Variants in DKK2 observed in about 807,000 individuals in gnomAD.
The protein encoded by DKK2 is dickkopf Wnt signaling pathway inhibitor 2, also known as dickkopf-related protein 2.
A neutral mutation model predicts 28.1 loss-of-function variants in DKK2; 11 were observed. That is an observed-to-expected ratio of 0.39 (90% CI 0.25 to 0.65). The LOEUF is 0.65. Ranked by LOEUF, DKK2 falls within the 30% of genes least tolerant of loss-of-function variation. The pLI, the probability that DKK2 is intolerant of heterozygous loss-of-function variation, is 0.47. For missense variants in DKK2, 326 were observed against 335.5 expected (o/e 0.97, Z 0.22); for synonymous variants, 135 against 126.5 (o/e 1.07, Z -0.45).
chr4:107,003,728 T>C (rs983937798), intron 1 of DKK2, among the ~76,000 whole-genome samples: 2 of 152,218 alleles, frequency 1.3e-5, no homozygotes, highest in Admixed American at 1.3e-4. Context: ...TCATCAGTAG[T>C]ATAAAACTAA....
chr4:106,985,533 G>C lies in DKK2; in HGVS notation c.222+49837C>G, dbSNP rs138458406. Among the ~76,000 whole-genome samples, 173 of 152,278 alleles carry C rather than the reference G, an allele frequency of 1.1e-3. 1 individual carries two copies. Among genetic ancestry groups the C allele is most frequent in the African/African-American group, 4.0e-3 (166 of 41,550 alleles). On this transcript the variant is annotated intron_variant, in intron 1 of 3. Coordinates refer to ENST00000285311, the MANE Select transcript of DKK2 (RefSeq NM_014421.3). ...TAACTAAAATTAAGACGGGGGCCAG[G>C]CATGGTGGCTCAGGCCTGTAATCCC...
chr4:106,924,517 A>C, intron 3 of DKK2, 28 bp downstream of exon 3: 1 of 1,587,122 alleles, frequency 6.3e-7, no homozygotes. Flanking sequence ...TTATTTTAAA[A>C]AAACCCCAGA....
intron 1 of DKK2, among the ~76,000 whole-genome samples, chr4:106,989,641 C>G (rs756565832): frequency 6.6e-6 from 1 of 152,172 alleles, no homozygotes. Flanking sequence ...TGCCTACTGA[C>G]TATATTCCAA....
intron 1 of DKK2, among the ~76,000 whole-genome samples, chr4:107,021,953 T>C (rs1460525435): frequency 1.3e-5 from 2 of 152,100 alleles, no homozygotes; most frequent in Non-Finnish European, 2.9e-5. Flanking sequence ...ATCCCTTGAT[T>C]ACATTTTCTG....
At chr4:107,000,930 G>A (rs192193961) in intron 1 of DKK2, among the ~76,000 whole-genome samples, 15 of 152,062 alleles carry the variant, frequency 9.9e-5, no homozygotes, top group African/African-American at 2.2e-4. Context: ...TGTACTAACC[G>A]TAACAGGTTC....
At chr4:107,035,237 C>A (rs963984791) in intron 1 of DKK2, 133 bp downstream of exon 1, 3 of 1,070,558 alleles carry the variant, frequency 2.8e-6, no homozygotes, top group Non-Finnish European at 1.4e-6. Context: ...TTCGGTGAAT[C>A]CCTCCCCAGC....
At chr4:106,937,466 G>T (rs1163043869) in intron 1 of DKK2, among the ~76,000 whole-genome samples, 4 of 132,052 alleles carry the variant, frequency 3.0e-5, no homozygotes, top group African/African-American at 1.2e-4. Flanking sequence ...GATTCATAAA[G>T]CAAGTCCTGA....
intron 1 of DKK2, among the ~76,000 whole-genome samples, chr4:107,033,644 T>A (rs987703603): frequency 3.3e-5 from 5 of 152,114 alleles, no homozygotes; most frequent in African/African-American, 4.8e-5. Flanking sequence ...TAGATTAGAA[T>A]GGAAAGGAAC....
chr4:107,025,661 G>C (rs1723767789), intron 1 of DKK2, among the ~76,000 whole-genome samples: 1 of 152,144 alleles, frequency 6.6e-6, no homozygotes, highest in African/African-American at 2.4e-5. Context: ...TTTCCAGCCA[G>C]GCTTCTTGTT....
intron 1 of DKK2, among the ~76,000 whole-genome samples, chr4:107,000,253 T>C (rs1393421705): frequency 6.6e-6 from 1 of 152,166 alleles, no homozygotes; most frequent in Non-Finnish European, 1.5e-5. Context: ...CTTAGTCTTT[T>C]ACACTAAAAT....
At chr4:106,937,904 T>C (rs1458534018) in intron 1 of DKK2, among the ~76,000 whole-genome samples, 1 of 151,630 alleles carries the variant, frequency 6.6e-6, no homozygotes, top group South Asian at 2.1e-4. Flanking sequence ...GAAATAAAGA[T>C]GTTCTTTGAA....
intron 1 of DKK2, among the ~76,000 whole-genome samples, chr4:107,007,218 T>A (rs1193603961): frequency 6.6e-6 from 1 of 152,120 alleles, no homozygotes; most frequent in East Asian, 1.9e-4. Flanking sequence ...TGTAAACTGA[T>A]GCTTCTACAT....
intron 1 of DKK2, among the ~76,000 whole-genome samples, chr4:106,983,276 GAGAA>G (rs1306174790): frequency 2.2e-5 from 3 of 138,078 alleles, no homozygotes; most frequent in Non-Finnish European, 4.7e-5. Context: ...ATATTACAGA[GAGAA>G]AGAGAGAAGA....
chr4:107,005,474 A>T (rs993155367), intron 1 of DKK2, among the ~76,000 whole-genome samples: 35 of 152,298 alleles, frequency 2.3e-4, no homozygotes, highest in African/African-American at 7.0e-4. Context: ...ATGAATCAAC[A>T]AAAAGTCCTA....
intron 1 of DKK2, among the ~76,000 whole-genome samples, chr4:106,950,102 T>A (rs77399789): frequency 0.025 from 3,877 of 152,318 alleles, 62 homozygotes; most frequent in Non-Finnish European, 0.037. Flanking sequence ...TCTCAGTAGA[T>A]ACATATGTTT....
At chr4:107,034,073 G>GGAACTGCAAAACTAGCA (rs1450616853) in intron 1 of DKK2, among the ~76,000 whole-genome samples, 2 of 152,118 alleles carry the variant, frequency 1.3e-5, no homozygotes, top group African/African-American at 4.8e-5. Context: ...GAAGAGTTCT[G>GGAACTGCAAAACTAGCA]GAACTGCAAA....
chr4:107,025,067 G>A (rs1239113204), intron 1 of DKK2, among the ~76,000 whole-genome samples: 1 of 152,134 alleles, frequency 6.6e-6, no homozygotes, highest in Non-Finnish European at 1.5e-5. Flanking sequence ...CATATCCCCA[G>A]GCAAAGAGGT....
At position 106,935,897 on chromosome 4, in the gene DKK2, C is replaced by G. The variant is rs560087863; in HGVS notation, c.223-9948G>C. Reference sequence around the variant, plus strand: ...GCAGGGTATTCCAACAGACCTGCAGCTGAGGGTCCTGTCCGTTAGAAGGAA... The same window carrying G: ...GCAGGGTATTCCAACAGACCTGCAGGTGAGGGTCCTGTCCGTTAGAAGGAA... On this transcript the variant is annotated intron_variant, in intron 1 of 3. Coordinates refer to ENST00000285311, the MANE Select transcript of DKK2 (RefSeq NM_014421.3). Among the ~76,000 whole-genome samples, 31 of 152,308 alleles carry G rather than the reference C, an allele frequency of 2.0e-4. No individual in the cohort carries two copies. The South Asian group carries it at 2.7e-3, about 13-fold the overall frequency.
At chr4:107,035,324 G>A (rs772015691) in intron 1 of DKK2, 46 bp downstream of exon 1, 2 of 1,601,160 alleles carry the variant, frequency 1.2e-6, no homozygotes, top group South Asian at 2.2e-5. Context: ...AAGAGAGCTG[G>A]CCCCTGCCTC....
Sources: allele counts gnomAD v4.1 joint callset (sites outside exome capture counted in the v4.1 genomes callset), GRCh38; gene constraint gnomAD v4.1.1; transcripts MANE v1.5; gene names NCBI Gene and HGNC (gene_info 2026-07-23, HGNC 2026-07-21).